TPTE2: variants seen among roughly 807,000 people sequenced by gnomAD.
TPTE2 encodes phosphatidylinositol 3,4,5-trisphosphate 3-phosphatase TPTE2.
Under a neutral mutation model 78.6 loss-of-function variants are expected in TPTE2, and 53 were observed. The observed-to-expected ratio is 0.67, with a 90% CI of 0.54 to 0.85. TPTE2 has a LOEUF of 0.85. Among genes scored for constraint, TPTE2 ranks in the 40% least tolerant of loss-of-function variants. The pLI is 0.00. For missense variants in TPTE2, 461 were observed against 623.0 expected, an observed-to-expected ratio of 0.74 and a Z score of 2.77; for synonymous variants, 175 against 206.2, an observed-to-expected ratio of 0.85 and a Z score of 1.30.
chr13:19,493,749 C>T (rs1881149755), intron 1 of TPTE2: 1 of 516,384 alleles, frequency 1.9e-6, no homozygotes, highest in South Asian at 1.9e-5. Context: ...TTTATTATGA[C>T]CTCAGTCCCA....
At chr13:19,491,890 T>C (rs1160537177) in intron 3 of TPTE2, among the ~76,000 whole-genome samples, 1 of 152,172 alleles carries the variant, frequency 6.6e-6, no homozygotes. Context: ...ATAAAATAAA[T>C]TCTTTTAAAA....
At chr13:19,483,852 A>G (rs777908948) in intron 3 of TPTE2, among the ~76,000 whole-genome samples, 11 of 152,122 alleles carry the variant, frequency 7.2e-5, no homozygotes, top group Non-Finnish European at 1.3e-4. Flanking sequence ...ATATGTATAC[A>G]TGTGCCATGT....
intron 1 of TPTE2, among the ~76,000 whole-genome samples, chr13:19,509,620 G>A (rs1413293625): frequency 6.6e-6 from 1 of 152,016 alleles, no homozygotes; most frequent in Non-Finnish European, 1.5e-5. Context: ...AGTATTTAAA[G>A]GCTTTCCCTC....
upstream of TPTE2, among the ~76,000 whole-genome samples, chr13:19,541,747 A>G (rs1011241013): frequency 7.9e-5 from 12 of 152,174 alleles, no homozygotes; most frequent in Non-Finnish European, 5.9e-5. Context: ...TTACCCTGAC[A>G]TTGTGGAACA....
chr13:19,455,670 A>G (rs1458934793), intron 10 of TPTE2, among the ~76,000 whole-genome samples: 1 of 148,650 alleles, frequency 6.7e-6, no homozygotes, highest in Non-Finnish European at 1.5e-5. Flanking sequence ...TAAATAAAAT[A>G]TTAGCAAATA....
rs1396069685 is a variant in TPTE2, at chr13:19,486,001, T to C, written c.120-3454A>G. ...TTCCTTAAGATTATTCTTTTTTCTG[T>C]CATCTCTTATGTTTATGATTGGGTT... On this transcript the variant is annotated intron_variant, in intron 3 of 19. Coordinates refer to ENST00000400230, the Ensembl canonical transcript of TPTE2. The surrounding 1 kb of genome is among the most constrained non-coding windows in gnomAD (Gnocchi z 4.3). Among the ~76,000 whole-genome samples the C allele has an allele frequency of 6.6e-6, 1 of 152,184 alleles. No individual in the cohort carries two copies. The highest frequency in any genetic ancestry group is 1.5e-5 in the Non-Finnish European group (1 of 68,020).
chr13:19,503,589 G>A (rs112645005), upstream of TPTE2, among the ~76,000 whole-genome samples: 1 of 16,706 alleles, frequency 6.0e-5, no homozygotes, highest in East Asian at 0.056. Flanking sequence ...TTGTGTGGAG[G>A]TAGTCAGCCC....
the TPTE2 span, among the ~76,000 whole-genome samples, chr13:19,561,425 T>C: frequency 1.3e-5 from 2 of 151,466 alleles, no homozygotes; most frequent in African/African-American, 4.8e-5. Flanking sequence ...CCCCCCAACC[T>C]AAGCACACCT....
upstream of TPTE2, among the ~76,000 whole-genome samples, chr13:19,507,971 TGTCTA>T (rs1411830400): frequency 6.6e-6 from 1 of 152,212 alleles, no homozygotes; most frequent in Non-Finnish European, 1.5e-5. Context: ...AAATTTACCT[TGTCTA>T]AAGTTTTTCC....
At chr13:19,518,124 C>T (rs1334422323) in intron 1 of TPTE2, among the ~76,000 whole-genome samples, 1 of 152,112 alleles carries the variant, frequency 6.6e-6, no homozygotes, top group Non-Finnish European at 1.5e-5. Context: ...GTTGATAGGA[C>T]TTGGGGGGAT....
At chr13:19,475,232 C>CT (rs879447651) in intron 5 of TPTE2, among the ~76,000 whole-genome samples, 112 of 142,686 alleles carry the variant, frequency 7.8e-4, no homozygotes, top group Middle Eastern at 3.5e-3. Flanking sequence ...ATTTTTTTTT[C>CT]TTTTTTTTTT....
chr13:19,455,097 C>T (rs1377472397), intron 10 of TPTE2, among the ~76,000 whole-genome samples: 1 of 152,120 alleles, frequency 6.6e-6, no homozygotes, highest in African/African-American at 2.4e-5. Flanking sequence ...AAACAATTTT[C>T]AAAATTGGCC....
intron 6 of TPTE2, 61 bp downstream of exon 9, chr13:19,473,853 C>G: frequency 1.4e-6 from 2 of 1,428,640 alleles, no homozygotes; most frequent in Non-Finnish European, 1.9e-6. Flanking sequence ...CTCAGCCTCC[C>G]AAAGTGCTTC....
intron 1 of TPTE2, among the ~76,000 whole-genome samples, chr13:19,495,190 T>A (rs1034694541): frequency 6.8e-5 from 10 of 147,280 alleles, no homozygotes; most frequent in Middle Eastern, 3.4e-3. Flanking sequence ...GCCCAAAAGT[T>A]GCGGCCAAGT....
the TPTE2 span, chr13:19,560,432 C>G: frequency 1.2e-6 from 2 of 1,608,988 alleles, no homozygotes; most frequent in Non-Finnish European, 1.7e-6. Context: ...TCAGCGAAGG[C>G]CAACTCATCC....
the TPTE2 span, among the ~76,000 whole-genome samples, chr13:19,550,730 T>C: frequency 6.6e-6 from 1 of 152,188 alleles, no homozygotes; most frequent in East Asian, 1.9e-4. Flanking sequence ...CTTCACTGAC[T>C]CTCCTGAATA....
chr13:19,539,580 G>T (rs999114075), upstream of TPTE2, among the ~76,000 whole-genome samples: 9 of 152,064 alleles, frequency 5.9e-5, no homozygotes, highest in Admixed American at 3.9e-4. Flanking sequence ...TATGAAAATG[G>T]ACTAATACAA....
At chr13:19,553,043 G>A in the TPTE2 span, among the ~76,000 whole-genome samples, 3 of 148,554 alleles carry the variant, frequency 2.0e-5, no homozygotes, top group Non-Finnish European at 4.5e-5. Context: ...TAAAGTCTAG[G>A]CTGTTTATCT....
intron 4 of TPTE2, among the ~76,000 whole-genome samples, chr13:19,478,152 T>C (rs1374620987): frequency 2.0e-5 from 3 of 152,050 alleles, no homozygotes; most frequent in African/African-American, 2.4e-5. Context: ...AAGCCAAAAT[T>C]GACAAACAGG....
Sources: gnomAD v4.1 joint callset for allele counts (sites outside exome capture counted in the v4.1 genomes callset) on GRCh38, gnomAD v4.1.1 for gene constraint, Gnocchi (gnomAD v3.1) non-coding constraint, MANE v1.5 for transcripts, NCBI Gene and HGNC (gene_info 2026-07-23, HGNC 2026-07-21) for gene names.